FRS2: variants seen among roughly 807,000 people sequenced by gnomAD.
The protein encoded by FRS2 is FGFR signalling adaptor.
A neutral mutation model predicts 43.9 loss-of-function variants in FRS2; 8 were observed. That is an observed-to-expected ratio of 0.18 (90% CI 0.11 to 0.33). The LOEUF (loss-of-function observed/expected upper bound fraction) is 0.33. Among genes scored for constraint, FRS2 ranks in the 10% least tolerant of loss-of-function variants. FRS2 has a pLI of 1.00. For synonymous variants in FRS2, 219 were observed against 220.3 expected, an observed-to-expected ratio of 0.99 and a Z score of 0.05; for missense variants, 534 against 627.6, an observed-to-expected ratio of 0.85 and a Z score of 1.59.
intron 1 of FRS2, among the ~76,000 whole-genome samples, chr12:69,470,981 G>C (rs1027362710): frequency 4.6e-5 from 7 of 152,136 alleles, no homozygotes; most frequent in African/African-American, 1.7e-4. Flanking sequence ...GGTCCCAGGG[G>C]TGTCGTCTTT....
intron 3 of FRS2, among the ~76,000 whole-genome samples, chr12:69,535,104 T>C (rs1161235763): frequency 6.6e-6 from 1 of 152,222 alleles, no homozygotes; most frequent in East Asian, 1.9e-4. Context: ...ATTTCTTCTT[T>C]TTAAAAAACT....
At chr12:69,472,091 T>C (rs1214426095) in intron 1 of FRS2, among the ~76,000 whole-genome samples, 2 of 152,268 alleles carry the variant, frequency 1.3e-5, no homozygotes, top group East Asian at 3.9e-4. Flanking sequence ...CTTTCTTTTC[T>C]TTTTTCTTTC....
chr12:69,478,675 A>G (rs1242174028), intron 1 of FRS2, among the ~76,000 whole-genome samples: 1 of 151,726 alleles, frequency 6.6e-6, no homozygotes, highest in African/African-American at 2.4e-5. Context: ...TTTTTCTTCT[A>G]TATTGATTTT....
rs1297414089 is a variant in FRS2 at position 69,552,104 on chromosome 12, G to A, written c.-121-10076G>A. Among the ~76,000 whole-genome samples the A allele has an allele frequency of 4.6e-5, 7 of 151,654 alleles. No homozygotes were observed. The East Asian group carries it at 5.8e-4, about 13-fold the overall frequency. ...GCAGATCACCTGATGTCAGGAGTTC[G>A]AGACCAGCCTCAACATGGAGAAACC... On this transcript the variant is annotated intron_variant, in intron 3 of 8. Transcript: ENST00000549921.
chr12:69,521,675 G>C (rs1342128935), intron 1 of FRS2, among the ~76,000 whole-genome samples: 1 of 151,998 alleles, frequency 6.6e-6, no homozygotes. Flanking sequence ...GAGTGCAGTG[G>C]TGCGATTTGG....
Position 69,574,188 on chromosome 12 carries a change from G to C in FRS2, c.760G>C (p.Gly254Arg). ...ACCTGAAGGAGTCAAATTTGTTTTA[G>C]GGCCAACCCCTGTTCAAAAGCAGTT... ...LEPEGVKFVL[G>R]PTPVQKQLME... The change falls in exon 9 of 9, where the codon GGG becomes CGG. Residue 254 changes from glycine (G) to arginine (R), a missense_variant. Gly to Arg is a moderately radical substitution (Grantham distance 125). Around this residue, in one of 3 missense-constraint regions of FRS2, gnomAD observed 446 missense variants for 494.2 expected, o/e 0.90. Transcript: ENST00000549921. 6.2e-7 allele frequency: 1 copy of C among 1,614,184 alleles called. No individual in the cohort carries two copies. Among genetic ancestry groups the C allele is most frequent in the African/African-American group, 1.3e-5 (1 of 75,050 alleles).
chr12:69,527,776 C>T (rs988292598), intron 1 of FRS2, among the ~76,000 whole-genome samples: 2 of 152,146 alleles, frequency 1.3e-5, no homozygotes, highest in Non-Finnish European at 2.9e-5. Flanking sequence ...AGTGGTTGAA[C>T]TTGCTAAAAT....
intron 1 of FRS2, among the ~76,000 whole-genome samples, chr12:69,520,409 C>T: frequency 6.9e-6 from 1 of 145,762 alleles, no homozygotes. Flanking sequence ...GGGCAGAAGC[C>T]CTTTAATGTA....
At chr12:69,498,412 C>T (rs1287788774) in intron 1 of FRS2, among the ~76,000 whole-genome samples, 1 of 152,040 alleles carries the variant, frequency 6.6e-6, no homozygotes, top group African/African-American at 2.4e-5. Flanking sequence ...CCACAAGAGC[C>T]GTGAGGTGTA....
chr12:69,508,425 A>G (rs145608100), intron 1 of FRS2, among the ~76,000 whole-genome samples: 16 of 152,318 alleles, frequency 1.1e-4, no homozygotes, highest in Non-Finnish European at 2.2e-4. Flanking sequence ...CAGTTAATGA[A>G]TTGTTCTACA....
chr12:69,479,368 C>G lies in FRS2; in HGVS notation c.-261+8838C>G, dbSNP rs138936546. On this transcript the variant is annotated intron_variant, in intron 1 of 8. Transcript: ENST00000549921. ...AAAATACACAGTGTGATTGACAGTC[C>G]TTTACAGTTAATCTGTTGTTTCTTT... Among the ~76,000 whole-genome samples, 709 of 148,146 alleles carry G rather than the reference C, an allele frequency of 4.8e-3. 8 individuals carry two copies. Among genetic ancestry groups the G allele is most frequent in the African/African-American group, 0.017 (685 of 40,600 alleles).
At chr12:69,513,795 G>C (rs1874704501) in intron 1 of FRS2, among the ~76,000 whole-genome samples, 1 of 152,056 alleles carries the variant, frequency 6.6e-6, no homozygotes, top group Non-Finnish European at 1.5e-5. Flanking sequence ...ACATAGGTTG[G>C]TTTTAGGCAT....
intron 3 of FRS2, among the ~76,000 whole-genome samples, chr12:69,540,090 A>G (rs552184771): frequency 1.3e-5 from 2 of 152,052 alleles, no homozygotes; most frequent in East Asian, 1.9e-4. Context: ...CGTCTCTACT[A>G]AAAATACAAA....
intron 6 of FRS2, among the ~76,000 whole-genome samples, 158 bp downstream of exon 6, chr12:69,570,675 CTG>C (rs1290830371): frequency 6.6e-6 from 1 of 152,112 alleles, no homozygotes; most frequent in Non-Finnish European, 1.5e-5. Flanking sequence ...AATTTATCAA[CTG>C]TTTATTAAGC....
In FRS2 at chr12:69,500,875, A is replaced by C. The variant is rs114648183; in HGVS notation, c.-260-29990A>C. Among the ~76,000 whole-genome samples, 500 of 152,260 alleles carry C rather than the reference A, an allele frequency of 3.3e-3. 1 individual carries two copies. The highest frequency in any genetic ancestry group is 0.011 in the African/African-American group (478 of 41,568). On this transcript the variant is annotated intron_variant, in intron 1 of 8. Coordinates refer to ENST00000549921, the MANE Select transcript of FRS2 (RefSeq NM_001278356.2). ...TTTACTTTTGGTGGATGGGGGAGGA[A>C]TGAATGTATTAATGGTTTACTTGTG...
At chr12:69,516,221 ATT>A (rs58461725) in intron 1 of FRS2, among the ~76,000 whole-genome samples, 38 of 143,082 alleles carry the variant, frequency 2.7e-4, no homozygotes, top group Non-Finnish European at 1.5e-4. Flanking sequence ...TATTATTACT[ATT>A]TTTTTTTTTT....
chr12:69,551,410 T>A (rs1217166976), intron 3 of FRS2, among the ~76,000 whole-genome samples: 1 of 152,156 alleles, frequency 6.6e-6, no homozygotes, highest in Non-Finnish European at 1.5e-5. Context: ...GTAAGTTGTT[T>A]TCAGAGGGAT....
intron 1 of FRS2, among the ~76,000 whole-genome samples, chr12:69,478,550 A>G (rs916591369): frequency 3.3e-5 from 5 of 152,228 alleles, no homozygotes; most frequent in African/African-American, 1.2e-4. Flanking sequence ...TAGGCAGATT[A>G]GGCACTCAGT....
chr12:69,490,655 A>G (rs1872398320), intron 1 of FRS2, among the ~76,000 whole-genome samples: 1 of 152,168 alleles, frequency 6.6e-6, no homozygotes, highest in Non-Finnish European at 1.5e-5. Context: ...TGCTAACAAA[A>G]TTGTATTGTA....
Sources: gnomAD v4.1 joint callset for allele counts (sites outside exome capture counted in the v4.1 genomes callset) on GRCh38, gnomAD v4.1.1 for gene constraint, gnomAD v4.1.1 regional missense constraint, MANE v1.5 for transcripts, NCBI Gene and HGNC (gene_info 2026-07-23, HGNC 2026-07-21) for gene names.